The following ATG7 variants were observed in gnomAD, a reference collection of about 807,000 sequenced individuals.
The protein encoded by ATG7 is ubiquitin-like modifier-activating enzyme ATG7.
A neutral mutation model predicts 82.4 loss-of-function variants in ATG7; 70 were observed. The ratio of observed to expected loss-of-function variants is 0.85; its 90% confidence interval spans 0.70 to 1.04. ATG7 has a LOEUF of 1.04. Among genes scored for constraint, ATG7 ranks in the 50% least tolerant of loss-of-function variants. ATG7 has a pLI of 0.00. For missense variants in ATG7, 792 were observed against 864.3 expected, an observed-to-expected ratio of 0.92 and a Z score of 1.05; for synonymous variants, 287 against 313.0, an observed-to-expected ratio of 0.92 and a Z score of 0.88.
At chr3:11,441,211 A>AT (rs2083919251) in intron 20 of ATG7, among the ~76,000 whole-genome samples, 1 of 152,118 alleles carries the variant, frequency 6.6e-6, no homozygotes, top group African/African-American at 2.4e-5. Flanking sequence ...CCAATGCTTT[A>AT]TTAAAAGGAA....
chr3:11,558,972 G>A (rs569005719), downstream of ATG7: 59 of 980,624 alleles, frequency 6.0e-5, no homozygotes, highest in Middle Eastern at 1.6e-3. Flanking sequence ...CACCTCCCCC[G>A]GCTAAGTCAG....
chr3:11,565,122 G>A, the ATG7 span: 2 of 1,164,754 alleles, frequency 1.7e-6, no homozygotes, highest in Non-Finnish European at 2.3e-6. The surrounding 1 kb of genome is among the most constrained non-coding windows in gnomAD (Gnocchi z 4.1). Flanking sequence ...TTTTTACCCT[G>A]AAGCTCAGGT....
At chr3:11,479,313 G>A (rs1472660009) in intron 20 of ATG7, among the ~76,000 whole-genome samples, 1 of 152,162 alleles carries the variant, frequency 6.6e-6, no homozygotes, top group Non-Finnish European at 1.5e-5. Flanking sequence ...AATGTTGCAA[G>A]AGATTACCAT....
At chr3:11,355,263 C>T (rs1466199330) in intron 14 of ATG7, among the ~76,000 whole-genome samples, 3 of 152,134 alleles carry the variant, frequency 2.0e-5, no homozygotes, top group Non-Finnish European at 4.4e-5. Flanking sequence ...ATACTCTGAG[C>T]CCTTATGTGA....
chr3:11,398,016 G>A (rs34267990), intron 19 of ATG7, among the ~76,000 whole-genome samples: 31,365 of 150,626 alleles, frequency 0.21, 3,697 homozygotes, highest in South Asian at 0.34. Flanking sequence ...CCTGGGAGGT[G>A]GTGGTTGAAG....
chr3:11,427,394 A>G (rs1162416223), intron 20 of ATG7, among the ~76,000 whole-genome samples: 1 of 151,434 alleles, frequency 6.6e-6, no homozygotes, highest in Non-Finnish European at 1.5e-5. Context: ...CCTGAACCCC[A>G]CCATGAAATG....
rs1297202275 is a variant in ATG7 at position 11,325,920 on chromosome 3, TTGC to T, written c.679-5417_679-5415del. On this transcript the variant is annotated intron_variant, in intron 9 of 20. Coordinates refer to ENST00000693202, the MANE Select transcript of ATG7 (RefSeq NM_001349232.2). The stretch of plus-strand genomic sequence containing the variant: ...TGTGTTTTTTGTTGTTGTTTTTCCT[TTGC>T]TGGTTTGAATACCCTTTAGATACTC... Among the ~76,000 whole-genome samples the T allele has an allele frequency of 2.0e-5, 3 of 152,192 alleles. No individual in the cohort carries two copies. The East Asian group carries it at 5.8e-4, about 29-fold the overall frequency.
At chr3:11,340,766 G>C (rs1434540685) in intron 12 of ATG7, 31 bp downstream of exon 12, 1 of 1,595,666 alleles carries the variant, frequency 6.3e-7, no homozygotes, top group Non-Finnish European at 8.6e-7. Flanking sequence ...TCTCCAGTCG[G>C]GCTTTTTGTA....
At chr3:11,542,073 G>C (rs975461278) in intron 20 of ATG7, among the ~76,000 whole-genome samples, 2 of 152,160 alleles carry the variant, frequency 1.3e-5, no homozygotes, top group African/African-American at 4.8e-5. Flanking sequence ...GCAGCGGAGA[G>C]GCTGGAGCAC....
intron 19 of ATG7, among the ~76,000 whole-genome samples, chr3:11,385,014 GTTTT>G (rs1055770345): frequency 4.1e-5 from 6 of 148,026 alleles, no homozygotes; most frequent in African/African-American, 1.5e-4. Flanking sequence ...CTTAAATAGT[GTTTT>G]TGTTTGTTTG....
chr3:11,399,074 G>A (rs79205509), intron 19 of ATG7, among the ~76,000 whole-genome samples: 11 of 152,126 alleles, frequency 7.2e-5, no homozygotes, highest in East Asian at 1.9e-4. Flanking sequence ...CAGGCTGGGC[G>A]CAGTGGCTCA....
intron 20 of ATG7, among the ~76,000 whole-genome samples, chr3:11,431,440 CAGTG>C (rs1450504804): frequency 6.6e-6 from 1 of 152,176 alleles, no homozygotes; most frequent in Non-Finnish European, 1.5e-5. Context: ...GTGTGCAGTT[CAGTG>C]GTTTTTAGTA....
intron 20 of ATG7, among the ~76,000 whole-genome samples, chr3:11,541,104 G>GTA: frequency 6.6e-6 from 1 of 152,126 alleles, no homozygotes. Flanking sequence ...GTTTCACCAT[G>GTA]TTAGCCAGGA....
At chr3:11,288,023 G>T (rs542460600) in intron 3 of ATG7, among the ~76,000 whole-genome samples, 1 of 152,054 alleles carries the variant, frequency 6.6e-6, no homozygotes, top group East Asian at 1.9e-4. Flanking sequence ...TTTAAGGGTT[G>T]TAAAAAAAAT....
rs143084842 is a variant in ATG7, at chr3:11,313,341, A to C, written c.449A>C (p.Tyr150Ser). Residue 150 changes from tyrosine to serine, a missense_variant, in exon 8 of 21, where the codon TAT (tyrosine) becomes TCT (serine). Transcript: ENST00000693202. ...TACCACTTCTACTATTGGTTTTGCT[A>C]TCCTGCCCTCTGTCTTCCAGAGAGT... ...KKYHFYYWFC[Y>S]PALCLPESLP... The C allele has an allele frequency of 1.2e-6, 2 of 1,612,978 alleles. No homozygotes were observed. The highest frequency in any genetic ancestry group is 3.3e-5 in the Admixed American group (2 of 59,904).
rs186633052 is a variant in ATG7, at chr3:11,306,066, C to T, written c.216-877C>T. Among the ~76,000 whole-genome samples the T allele has an allele frequency of 2.9e-4, 44 of 152,308 alleles. 1 individual carries two copies. Among genetic ancestry groups the T allele is most frequent in the African/African-American group, 9.4e-4 (39 of 41,560 alleles). ...GACCAGATTTGTCCACATCTGAATT[C>T]GTATTCAGAATCAACTCCTCTTCTC... On this transcript the variant is annotated intron_variant, in intron 5 of 20. Transcript: ENST00000693202.
At chr3:11,440,219 G>A (rs770992560) in intron 20 of ATG7, among the ~76,000 whole-genome samples, 5 of 151,938 alleles carry the variant, frequency 3.3e-5, no homozygotes, top group Non-Finnish European at 7.4e-5. Context: ...AATAAAATCC[G>A]TGGGAATGAG....
the ATG7 span, among the ~76,000 whole-genome samples, chr3:11,567,607 G>A: frequency 2.0e-5 from 3 of 152,124 alleles, no homozygotes; most frequent in East Asian, 1.9e-4. Flanking sequence ...TGTCTGTGGC[G>A]ATTCAGAAGA....
At position 11,360,678 on chromosome 3, in the gene ATG7, A is replaced by C. The variant is rs768301756; in HGVS notation, c.1577A>C (p.Asn526Thr). Residue 526 changes from asparagine (N) to threonine (T), a missense_variant, in exon 16 of 21, where the codon AAC becomes ACC. Transcript: ENST00000693202. ...KQQGAGDLCP[N>T]HPVASADLLG... ...CAAGGAGCTGGGGACTTGTGTCCAA[A>C]CCACCCTGTGGCATCTGCTGACCTC... is the stretch of plus-strand genomic sequence containing the variant. The C allele has an allele frequency of 6.2e-7, 1 of 1,614,148 alleles. No individual in the cohort carries two copies. The highest frequency in any genetic ancestry group is 1.1e-5 in the South Asian group (1 of 91,086).
Sources: gnomAD v4.1 joint callset for allele counts (sites outside exome capture counted in the v4.1 genomes callset) on GRCh38, gnomAD v4.1.1 for gene constraint, Gnocchi (gnomAD v3.1) non-coding constraint, MANE v1.5 for transcripts, NCBI Gene and HGNC (gene_info 2026-07-23, HGNC 2026-07-21) for gene names.